ATP9A: variants seen among roughly 807,000 people sequenced by gnomAD.
The protein encoded by ATP9A is ATPase phospholipid transporting 9A, also known as probable phospholipid-transporting ATPase IIA.
In ATP9A, 52 loss-of-function variants were observed where a neutral mutation model predicts 144.1. That is an observed-to-expected ratio of 0.36 (90% CI 0.29 to 0.45). The LOEUF is 0.45. Among genes scored for constraint, ATP9A ranks in the 20% least tolerant of loss-of-function variants. ATP9A has a pLI of 1.00. For synonymous variants in ATP9A, 582 were observed against 557.4 expected, an observed-to-expected ratio of 1.04 and a Z score of -0.62; for missense variants, 947 against 1,392.7, an observed-to-expected ratio of 0.68 and a Z score of 5.09.
At chr20:51,752,000 G>C (rs921794037) in intron 1 of ATP9A, among the ~76,000 whole-genome samples, 5 of 151,918 alleles carry the variant, frequency 3.3e-5, no homozygotes, top group Admixed American at 3.3e-4. Flanking sequence ...ACAAACGAGG[G>C]CACTGCTCTC....
At position 51,704,671 on chromosome 20, in the gene ATP9A, T is replaced by A. The variant is rs537572045; in HGVS notation, c.437-7189A>T. 2.0e-5 allele frequency among the ~76,000 whole-genome samples: 3 copies of A among 152,230 alleles called. No homozygotes were observed. The South Asian group carries it at 6.2e-4, about 32-fold the overall frequency. On this transcript the variant is annotated intron_variant, in intron 4 of 27. Transcript: ENST00000338821. ...GGCACATGCCTGTAATCCCAGCTACTCGGGAGGCTGAGGCAGGAGAATCGC... is the reference window on the plus strand; with the variant it reads ...GGCACATGCCTGTAATCCCAGCTACACGGGAGGCTGAGGCAGGAGAATCGC...
chr20:51,663,507 A>G (rs1424092264), intron 13 of ATP9A, among the ~76,000 whole-genome samples: 1 of 152,182 alleles, frequency 6.6e-6, no homozygotes, highest in African/African-American at 2.4e-5. Context: ...ATTCTTCCTC[A>G]AGAGAATGTA....
At chr20:51,667,885 C>T (rs757282070) in intron 13 of ATP9A, among the ~76,000 whole-genome samples, 21 of 151,102 alleles carry the variant, frequency 1.4e-4, no homozygotes, top group Non-Finnish European at 2.4e-4. Flanking sequence ...AGTGAGACCT[C>T]GTCTCTATAA....
At chr20:51,692,854 A>G (rs931264856) in intron 7 of ATP9A, among the ~76,000 whole-genome samples, 1 of 152,188 alleles carries the variant, frequency 6.6e-6, no homozygotes, top group Non-Finnish European at 1.5e-5. Context: ...AACAGTAATA[A>G]TGGTGTTATT....
chr20:51,759,181 G>A (rs115141455), intron 1 of ATP9A, among the ~76,000 whole-genome samples: 1,736 of 152,334 alleles, frequency 0.011, 33 homozygotes, highest in African/African-American at 0.038. Flanking sequence ...CCGCTGCCAA[G>A]CTCCACTGTT....
intron 15 of ATP9A, among the ~76,000 whole-genome samples, chr20:51,633,891 A>AGAGG (rs933332963): frequency 4.4e-5 from 6 of 137,240 alleles, no homozygotes; most frequent in Non-Finnish European, 6.2e-5. Flanking sequence ...AGGAAGGAAA[A>AGAGG]GAGGGAGGGA....
At chr20:51,727,892 T>C (rs1366247273) in intron 2 of ATP9A, among the ~76,000 whole-genome samples, 1 of 150,134 alleles carries the variant, frequency 6.7e-6, no homozygotes, top group Non-Finnish European at 1.5e-5. Flanking sequence ...GATCACGCCA[T>C]TGTGCACCAG....
rs77189454 is a variant in ATP9A at position 51,627,265 on chromosome 20, C to A, written c.1845+335G>T. Among the ~76,000 whole-genome samples the A allele has an allele frequency of 8.8e-3, 1,343 of 152,184 alleles. 16 individuals are homozygous for A. Among genetic ancestry groups the A allele is most frequent in the African/African-American group, 0.031 (1,279 of 41,488 alleles). ...TATTTTTTGGCCCCAAATGGTAGCA[C>A]GCGATGACAGTGACAAATGCAATGA... On this transcript the variant is annotated intron_variant, in intron 17 of 27. Transcript: ENST00000338821.
At chr20:51,683,122 C>T (rs2077507627) in intron 9 of ATP9A, among the ~76,000 whole-genome samples, 1 of 151,934 alleles carries the variant, frequency 6.6e-6, no homozygotes, top group South Asian at 2.1e-4. Flanking sequence ...CAGCGTCTTT[C>T]TCTGTCACCC....
At chr20:51,760,073 G>C (rs2077872564) in intron 1 of ATP9A, among the ~76,000 whole-genome samples, 1 of 152,044 alleles carries the variant, frequency 6.6e-6, no homozygotes, top group African/African-American at 2.4e-5. Context: ...GTGCATTTTT[G>C]TGCTTTTCCC....
Position 51,671,283 on chromosome 20 carries a change from G to A in ATP9A, c.1038-26C>T, listed in dbSNP as rs1410443656. 4 of 1,607,858 alleles carry A rather than the reference G, an allele frequency of 2.5e-6. No individual in the cohort carries two copies. In the African/African-American group the frequency reaches 4.0e-5, roughly 16 times the overall value. ...CTAGGCACAAAACCAGAGCAAACAG[G>A]CTAACAGGACAGATGTAAGGCTCCT... On this transcript the variant is annotated intron_variant, in intron 11 of 27. Transcript: ENST00000338821.
chr20:51,718,192 G>A (rs926125013), intron 3 of ATP9A, among the ~76,000 whole-genome samples: 1 of 152,096 alleles, frequency 6.6e-6, no homozygotes, highest in African/African-American at 2.4e-5. Flanking sequence ...AGGACACCTT[G>A]GGATCCCAAA....
intron 8 of ATP9A, among the ~76,000 whole-genome samples, chr20:51,690,238 G>A (rs1436000738): frequency 1.3e-5 from 2 of 150,730 alleles, no homozygotes; most frequent in Non-Finnish European, 2.9e-5. Flanking sequence ...GGCTAACACC[G>A]TGAAAACCCG....
chr20:51,700,759 G>A (rs573649119), intron 4 of ATP9A, among the ~76,000 whole-genome samples: 38 of 152,308 alleles, frequency 2.5e-4, no homozygotes, highest in African/African-American at 8.7e-4. Flanking sequence ...GAACCCGGGA[G>A]GCGGAGGTTG....
chr20:51,743,779 C>T lies in ATP9A; in HGVS notation c.69-13801G>A, dbSNP rs558194935. Among the ~76,000 whole-genome samples, 371 of 149,088 alleles carry T rather than the reference C, an allele frequency of 2.5e-3. 1 individual carries two copies. The highest frequency in any genetic ancestry group is 3.9e-3 in the Non-Finnish European group (259 of 66,664). The stretch of plus-strand genomic sequence containing the variant: ...ATCCCAGCACTTTGGGAGGCTGAGG[C>T]GGGCGGATCACGAGGTCAAGAGATC... On this transcript the variant is annotated intron_variant, in intron 1 of 27. Transcript: ENST00000338821.
At chr20:51,625,400 G>A (rs368273650) in intron 17 of ATP9A, 38 bp from the exon 18 acceptor site, 343 of 1,588,082 alleles carry the variant, frequency 2.2e-4, no homozygotes, top group Non-Finnish European at 2.8e-4. Flanking sequence ...TGCTTAGGGT[G>A]AGGAGAGGCC....
chr20:51,701,820 T>C (rs189180451), intron 4 of ATP9A, among the ~76,000 whole-genome samples: 109 of 152,216 alleles, frequency 7.2e-4, no homozygotes, highest in Admixed American at 1.4e-3. Context: ...TACTGCAGAG[T>C]GCTGTCAATT....
At chr20:51,632,740 A>C (rs1027555265) in intron 15 of ATP9A, among the ~76,000 whole-genome samples, 1 of 152,228 alleles carries the variant, frequency 6.6e-6, no homozygotes, top group African/African-American at 2.4e-5. Context: ...AGAGGTCAGA[A>C]AATGAGAAAA....
chr20:51,666,175 G>A (rs2077432086), intron 13 of ATP9A, among the ~76,000 whole-genome samples: 1 of 152,142 alleles, frequency 6.6e-6, no homozygotes, highest in Non-Finnish European at 1.5e-5. Context: ...ACCCCAGTGG[G>A]TCATCTTGCA....
Sources: allele counts gnomAD v4.1 joint callset (sites outside exome capture counted in the v4.1 genomes callset), GRCh38; gene constraint gnomAD v4.1.1; transcripts MANE v1.5; gene names NCBI Gene and HGNC (gene_info 2026-07-23, HGNC 2026-07-21).